Variants in FHL2 observed in about 807,000 individuals in gnomAD.
FHL2 encodes the protein four and a half LIM domains protein 2.
In FHL2, 20 loss-of-function variants were observed where a neutral mutation model predicts 32.7. The ratio of observed to expected loss-of-function variants is 0.61; its 90% confidence interval spans 0.43 to 0.89. The LOEUF (loss-of-function observed/expected upper bound fraction) is 0.89. FHL2 is among the 40% of genes least tolerant of loss of function. FHL2 has a pLI of 0.00. For missense variants in FHL2, 311 were observed against 358.6 expected (o/e 0.87, Z 1.07); for synonymous variants, 123 against 128.1 (o/e 0.96, Z 0.27).
intron 1 of FHL2, among the ~76,000 whole-genome samples, chr2:105,434,891 A>G (rs1198641351): frequency 6.6e-6 from 1 of 152,182 alleles, no homozygotes; most frequent in Non-Finnish European, 1.5e-5. Flanking sequence ...TTTTTAATAG[A>G]CTAAATCATT....
chr2:105,423,380 G>C (rs1415042819), intron 1 of FHL2, among the ~76,000 whole-genome samples: 1 of 152,192 alleles, frequency 6.6e-6, no homozygotes, highest in Non-Finnish European at 1.5e-5. Context: ...TAGAGATTGA[G>C]GTACAAACAG....
chr2:105,399,221 C>A, upstream of FHL2: 1 of 1,533,024 alleles, frequency 6.5e-7, no homozygotes, highest in Admixed American at 2.0e-5. Context: ...CCGGCCCGTA[C>A]CCTTTGTTTG....
intron 1 of FHL2, among the ~76,000 whole-genome samples, chr2:105,417,221 A>C (rs1025561155): frequency 1.3e-5 from 2 of 152,000 alleles, no homozygotes; most frequent in Non-Finnish European, 2.9e-5. Context: ...ATCTCTACTA[A>C]AAATACAAAA....
At chr2:105,403,577 C>G (rs954528137), upstream of FHL2, among the ~76,000 whole-genome samples, 1 of 152,154 alleles carries the variant, frequency 6.6e-6, no homozygotes, top group Non-Finnish European at 1.5e-5. Context: ...CAGCAGGATC[C>G]CCTGCAAACC....
At chr2:105,360,293 C>T (rs112004931), downstream of FHL2, 22,367 of 129,126 alleles carry the variant, frequency 0.17, 1,976 homozygotes, top group Middle Eastern at 0.29. Flanking sequence ...CAGAGCGAGA[C>T]TCTGTCTCAA....
At chr2:105,383,347 C>T (rs1308745340) in intron 3 of FHL2, among the ~76,000 whole-genome samples, 1 of 152,226 alleles carries the variant, frequency 6.6e-6, no homozygotes, top group Non-Finnish European at 1.5e-5. Flanking sequence ...ATTGTATTAG[C>T]ATTGTCTATT....
chr2:105,396,244 C>A (rs1683121215), intron 2 of FHL2, among the ~76,000 whole-genome samples: 1 of 152,108 alleles, frequency 6.6e-6, no homozygotes, highest in South Asian at 2.1e-4. Flanking sequence ...AGGCTGGAGA[C>A]CCAGGAGAGC....
At chr2:105,381,018 G>A (rs1681850596) in intron 3 of FHL2, among the ~76,000 whole-genome samples, 1 of 152,064 alleles carries the variant, frequency 6.6e-6, no homozygotes, top group African/African-American at 2.4e-5. Context: ...AGTGGCAAGT[G>A]GCCTGGAGGG....
At chr2:105,376,465 T>G (rs760980341) in intron 3 of FHL2, 1 of 152,216 alleles carries the variant, frequency 6.6e-6, no homozygotes, top group East Asian at 1.9e-4. Context: ...TGAATAAAAT[T>G]GAACAAATCA....
intron 1 of FHL2, among the ~76,000 whole-genome samples, chr2:105,407,300 G>T (rs939691612): frequency 1.3e-5 from 2 of 151,386 alleles, no homozygotes; most frequent in Admixed American, 1.3e-4. Flanking sequence ...GCTGAGGCAG[G>T]AGAATGGCAT....
intron 4 of FHL2, among the ~76,000 whole-genome samples, chr2:105,369,165 A>G (rs1573293335): frequency 6.6e-6 from 1 of 152,316 alleles, no homozygotes; most frequent in African/African-American, 2.4e-5. Flanking sequence ...GGTCACATAC[A>G]TGTGACTTCA....
At chr2:105,434,563 A>G (rs1684530560) in intron 1 of FHL2, among the ~76,000 whole-genome samples, 1 of 151,882 alleles carries the variant, frequency 6.6e-6, no homozygotes, top group Non-Finnish European at 1.5e-5. Context: ...GTGAGACTCC[A>G]TCTCAAAAAA....
At chr2:105,365,913 G>T (rs567434747) in intron 5 of FHL2, among the ~76,000 whole-genome samples, 85 of 152,032 alleles carry the variant, frequency 5.6e-4, no homozygotes, top group African/African-American at 2.0e-3. Flanking sequence ...TAACAGTAAA[G>T]AACAAATGGG....
At chr2:105,383,658 AC>A (rs1436909606) in intron 3 of FHL2, among the ~76,000 whole-genome samples, 1 of 152,194 alleles carries the variant, frequency 6.6e-6, no homozygotes, top group Admixed American at 6.5e-5. Context: ...GAGATTGGCC[AC>A]CAGACCTAAG....
intron 4 of FHL2, among the ~76,000 whole-genome samples, chr2:105,371,785 C>G (rs762694006): frequency 2.0e-5 from 3 of 152,128 alleles, no homozygotes; most frequent in Non-Finnish European, 2.9e-5. Context: ...GTTCAGGAAA[C>G]TAGTAAGGGT....
chr2:105,371,585 T>C (rs951773843), intron 4 of FHL2, among the ~76,000 whole-genome samples: 1 of 150,978 alleles, frequency 6.6e-6, no homozygotes, highest in Admixed American at 6.6e-5. Context: ...TCCTTATGTA[T>C]GTATCTATGT....
chr2:105,365,638 C>T (rs1680574669), intron 5 of FHL2, among the ~76,000 whole-genome samples: 1 of 149,052 alleles, frequency 6.7e-6, no homozygotes, highest in South Asian at 2.1e-4. Flanking sequence ...AGTTTGTGAC[C>T]AGTCTGGCCA....
upstream of FHL2, among the ~76,000 whole-genome samples, chr2:105,400,412 C>T (rs1683421746): frequency 1.3e-5 from 2 of 151,878 alleles, no homozygotes; most frequent in Non-Finnish European, 2.9e-5. Flanking sequence ...GGACGCTTTC[C>T]TGAAGAACCT....
intron 2 of FHL2, among the ~76,000 whole-genome samples, chr2:105,393,259 C>T (rs1223034506): frequency 6.6e-6 from 1 of 152,170 alleles, no homozygotes; most frequent in Non-Finnish European, 1.5e-5. Context: ...ATCAACCCTG[C>T]TGCAGGAGGC....
Sources: gnomAD v4.1 joint callset for allele counts (sites outside exome capture counted in the v4.1 genomes callset) on GRCh38, gnomAD v4.1.1 for gene constraint, MANE v1.5 for transcripts, NCBI Gene and HGNC (gene_info 2026-07-23, HGNC 2026-07-21) for gene names.